The following TBC1D5 variants were observed in gnomAD, a reference collection of about 807,000 sequenced individuals.
The protein encoded by TBC1D5 is TBC1 domain family, member 5.
In TBC1D5, 75 loss-of-function variants were observed where a neutral mutation model predicts 100.3. That is an observed-to-expected ratio of 0.75 (90% CI 0.62 to 0.91). TBC1D5 has a LOEUF of 0.91. TBC1D5 is among the 40% of genes least tolerant of loss of function. The probability of loss-of-function intolerance (pLI) is 0.00; values close to 1 mark genes in which losing one functional copy is unlikely to be tolerated. For missense variants in TBC1D5, 910 were observed against 942.4 expected (o/e 0.97, Z 0.45); for synonymous variants, 323 against 325.6 (o/e 0.99, Z 0.09).
intron 3 of TBC1D5, among the ~76,000 whole-genome samples, chr3:17,435,153 G>T (rs953577909): frequency 4.6e-5 from 7 of 152,004 alleles, no homozygotes; most frequent in Non-Finnish European, 7.4e-5. Context: ...TACCTTCTGA[G>T]CCCCCCAAGT....
chr3:17,573,456 A>C (rs1000996786), intron 2 of TBC1D5, among the ~76,000 whole-genome samples: 2 of 152,060 alleles, frequency 1.3e-5, no homozygotes, highest in African/African-American at 2.4e-5. Flanking sequence ...CTAGCACTGC[A>C]ATTTGAAACT....
At chr3:17,324,296 T>C (rs1384396227) in intron 13 of TBC1D5, among the ~76,000 whole-genome samples, 1 of 152,162 alleles carries the variant, frequency 6.6e-6, no homozygotes, top group African/African-American at 2.4e-5. Flanking sequence ...TAAAAACTAA[T>C]AAATTGAATT....
intron 18 of TBC1D5, among the ~76,000 whole-genome samples, chr3:17,186,730 AAAAAAAAAAAAAAAT>A: frequency 6.9e-6 from 1 of 143,916 alleles, no homozygotes; most frequent in African/African-American, 2.8e-5. Context: ...AAAAAAAAAA[AAAAAAAAAAAAAAAT>A]TAAAAAAAGA....
chr3:17,229,350 C>T (rs2075214450), intron 17 of TBC1D5, among the ~76,000 whole-genome samples: 1 of 152,098 alleles, frequency 6.6e-6, no homozygotes, highest in South Asian at 2.1e-4. Flanking sequence ...ATCTTGCTGT[C>T]ACAAGAGTGA....
At chr3:17,465,720 CT>C (rs1401743550) in intron 3 of TBC1D5, among the ~76,000 whole-genome samples, 15 of 152,162 alleles carry the variant, frequency 9.9e-5, no homozygotes, top group African/African-American at 3.6e-4. Flanking sequence ...ATGTGCTGTT[CT>C]CCAAATAGTT....
At chr3:17,448,246 A>G (rs757364381) in intron 3 of TBC1D5, among the ~76,000 whole-genome samples, 33 of 152,214 alleles carry the variant, frequency 2.2e-4, no homozygotes, top group Non-Finnish European at 2.8e-4. Flanking sequence ...TTTCCTGTCC[A>G]TCGGCAGTTA....
intron 2 of TBC1D5, among the ~76,000 whole-genome samples, chr3:17,536,825 G>A (rs1378547896): frequency 6.6e-6 from 1 of 152,214 alleles, no homozygotes; most frequent in Admixed American, 6.5e-5. Context: ...GCAGCTGGTT[G>A]AGAGAGTTAA....
chr3:17,248,928 C>T (rs1340760966), intron 16 of TBC1D5, among the ~76,000 whole-genome samples: 2 of 152,180 alleles, frequency 1.3e-5, no homozygotes, highest in Non-Finnish European at 2.9e-5. Context: ...TATATCAGTA[C>T]TTGCTGCTTC....
intron 17 of TBC1D5, among the ~76,000 whole-genome samples, chr3:17,227,650 G>A (rs909359252): frequency 1.3e-5 from 2 of 151,948 alleles, no homozygotes; most frequent in Non-Finnish European, 2.9e-5. Context: ...CTAATGATGA[G>A]AACACGTGGA....
chr3:17,262,563 G>C (rs1007091419), intron 15 of TBC1D5, among the ~76,000 whole-genome samples: 3 of 146,010 alleles, frequency 2.1e-5, no homozygotes, highest in Admixed American at 7.0e-5. Context: ...CTCACTGCAA[G>C]CTCCACCTCC....
intron 1 of TBC1D5, among the ~76,000 whole-genome samples, chr3:17,684,139 A>G (rs1163712020): frequency 6.6e-6 from 1 of 152,052 alleles, no homozygotes; most frequent in Non-Finnish European, 1.5e-5. Context: ...AGCACATTTA[A>G]AAAGAAAATG....
chr3:17,196,457 C>T (rs1159496642), intron 18 of TBC1D5, among the ~76,000 whole-genome samples: 1 of 152,148 alleles, frequency 6.6e-6, no homozygotes, highest in Non-Finnish European at 1.5e-5. Flanking sequence ...GGAAGTGAAA[C>T]AGCTATGCAT....
intron 4 of TBC1D5, among the ~76,000 whole-genome samples, chr3:17,427,424 G>A (rs1436348849): frequency 6.6e-6 from 1 of 151,854 alleles, no homozygotes; most frequent in Non-Finnish European, 1.5e-5. Flanking sequence ...AACTCTAGAT[G>A]TTAAAAGCCC....
At chr3:17,272,707 A>C (rs2079557864) in intron 15 of TBC1D5, among the ~76,000 whole-genome samples, 1 of 152,226 alleles carries the variant, frequency 6.6e-6, no homozygotes, top group Non-Finnish European at 1.5e-5. Flanking sequence ...CTGGCTAAAC[A>C]TACCATAAGG....
intron 2 of TBC1D5, among the ~76,000 whole-genome samples, chr3:17,566,728 T>C (rs2096596296): frequency 6.6e-6 from 1 of 151,896 alleles, no homozygotes; most frequent in Non-Finnish European, 1.5e-5. Flanking sequence ...CATATATACA[T>C]AAATAAAATT....
At chr3:17,571,301 G>A (rs1440132771) in intron 2 of TBC1D5, among the ~76,000 whole-genome samples, 1 of 151,902 alleles carries the variant, frequency 6.6e-6, no homozygotes, top group Non-Finnish European at 1.5e-5. Context: ...ATTCTATGAT[G>A]CATACCTATA....
intron 2 of TBC1D5, among the ~76,000 whole-genome samples, chr3:17,533,880 C>T (rs114660664): frequency 0.012 from 1,705 of 140,468 alleles, 25 homozygotes; most frequent in African/African-American, 0.047. Flanking sequence ...CACAGACACA[C>T]CTATCATTCA....
rs893715847 is a variant in TBC1D5 at position 17,651,039 on chromosome 3, A to G, written c.-100-27126T>C. Among the ~76,000 whole-genome samples the G allele has an allele frequency of 6.6e-5, 10 of 152,338 alleles. No individual in the cohort carries two copies. The South Asian group carries it at 1.4e-3, about 22-fold the overall frequency. On this transcript the variant is annotated intron_variant, in intron 1 of 21. Coordinates refer to ENST00000253692, the Ensembl canonical transcript of TBC1D5. ...ACAATACTATTATTGGGATAGCTGC[A>G]TATCATTTTCCTGGAAAAGAAAAAT... is the stretch of plus-strand genomic sequence containing the variant.
intron 19 of TBC1D5, among the ~76,000 whole-genome samples, chr3:17,170,405 A>AG (rs1178086983): frequency 1.3e-5 from 2 of 152,184 alleles, no homozygotes; most frequent in East Asian, 3.9e-4. Flanking sequence ...GGAACTAAAG[A>AG]AAGTCCCCCT....
Sources: allele counts gnomAD v4.1 joint callset (sites outside exome capture counted in the v4.1 genomes callset), GRCh38; gene constraint gnomAD v4.1.1; transcripts MANE v1.5; gene names NCBI Gene and HGNC (gene_info 2026-07-23, HGNC 2026-07-21).